CNTN5: variants seen among roughly 807,000 people sequenced by gnomAD.
CNTN5 encodes contactin 5.
In CNTN5, 77 loss-of-function variants were observed where a neutral mutation model predicts 129.1. The observed-to-expected ratio is 0.60, with a 90% CI of 0.50 to 0.72. The LOEUF is 0.72. Ranked by LOEUF, CNTN5 falls within the 30% of genes least tolerant of loss-of-function variation. The pLI, the probability that CNTN5 is intolerant of heterozygous loss-of-function variation, is 0.00. For missense variants in CNTN5, 1,478 were observed against 1,328.8 expected (o/e 1.11, Z -1.75); for synonymous variants, 509 against 465.6 (o/e 1.09, Z -1.20).
At chr11:99,161,400 T>A (rs532424328) in intron 1 of CNTN5, among the ~76,000 whole-genome samples, 29 of 152,216 alleles carry the variant, frequency 1.9e-4, no homozygotes, top group African/African-American at 4.6e-4. Flanking sequence ...ACTTTTTTTT[T>A]AATTCTAGGA....
At chr11:99,208,226 T>A (rs1255502871) in intron 1 of CNTN5, among the ~76,000 whole-genome samples, 1 of 152,158 alleles carries the variant, frequency 6.6e-6, no homozygotes. Flanking sequence ...CATTCTATAT[T>A]GGAAGGGAGT....
At chr11:100,138,729 T>C (rs1207495138) in intron 13 of CNTN5, among the ~76,000 whole-genome samples, 1 of 152,054 alleles carries the variant, frequency 6.6e-6, no homozygotes, top group African/African-American at 2.4e-5. Flanking sequence ...GCCTTTCAAG[T>C]GTTGAGGAGG....
intron 1 of CNTN5, among the ~76,000 whole-genome samples, chr11:99,104,546 T>C (rs1412406156): frequency 1.3e-5 from 2 of 151,950 alleles, no homozygotes; most frequent in Non-Finnish European, 2.9e-5. Flanking sequence ...ATGTTCTCAC[T>C]ACAAAAAAAA....
chr11:99,893,615 A>T (rs547794277), intron 6 of CNTN5, among the ~76,000 whole-genome samples: 4 of 152,102 alleles, frequency 2.6e-5, no homozygotes. Context: ...TGCAGGAAGG[A>T]TGTAGTGAGT....
chr11:99,778,852 T>C (rs1945215414), intron 3 of CNTN5, among the ~76,000 whole-genome samples: 1 of 139,572 alleles, frequency 7.2e-6, no homozygotes, highest in Admixed American at 7.1e-5. Flanking sequence ...ACAATTTTTC[T>C]CTATTTGTGT....
intron 2 of CNTN5, among the ~76,000 whole-genome samples, chr11:99,358,542 A>G (rs1938876721): frequency 6.6e-6 from 1 of 151,680 alleles, no homozygotes; most frequent in Non-Finnish European, 1.5e-5. Context: ...GCCTGGCGAC[A>G]GAGCAAGACT....
At chr11:99,656,701 A>G (rs1421765914) in intron 3 of CNTN5, among the ~76,000 whole-genome samples, 1 of 152,138 alleles carries the variant, frequency 6.6e-6, no homozygotes. Context: ...CACTAGAGAC[A>G]TGGAAGACTG....
chr11:100,243,251 G>A (rs1384243871), intron 16 of CNTN5, among the ~76,000 whole-genome samples: 2 of 152,228 alleles, frequency 1.3e-5, no homozygotes, highest in Admixed American at 1.3e-4. Context: ...GCTACAGGGA[G>A]TGTATAGCAA....
chr11:99,277,867 C>A (rs1863515748), intron 1 of CNTN5, among the ~76,000 whole-genome samples: 1 of 151,540 alleles, frequency 6.6e-6, no homozygotes, highest in South Asian at 2.1e-4. Context: ...ATTTGTAAAA[C>A]CAAGACAGGG....
In CNTN5 at chr11:99,774,874, T is replaced by A. The variant is rs542370954; in HGVS notation, c.56-44670T>A. On this transcript the variant is annotated intron_variant, in intron 3 of 24. Coordinates refer to ENST00000524871, the MANE Select transcript of CNTN5 (RefSeq NM_014361.4). ...ATTATAACAAAATATTAAAAAAAAA[T>A]TTTCTTTCAAAAAACCAGTAACCCA... Among the ~76,000 whole-genome samples the A allele has an allele frequency of 4.7e-4, 72 of 152,136 alleles. 1 individual carries two copies. Among genetic ancestry groups the A allele is most frequent in the South Asian group, 4.6e-3 (22 of 4,822 alleles).
chr11:100,031,170 T>C (rs908115731), intron 9 of CNTN5, among the ~76,000 whole-genome samples: 1 of 152,202 alleles, frequency 6.6e-6, no homozygotes, highest in Non-Finnish European at 1.5e-5. Context: ...ATAGAATTCA[T>C]AGGGTCAACC....
rs550902432 is a variant in CNTN5, at chr11:100,021,067, A to AT, written c.980+18938dup. ...CTATGATTTCTAATTTATTTTATGA[A>AT]TTTTTTTAAAATTTAGTTATTTATG... On this transcript the variant is annotated intron_variant, in intron 9 of 24. Transcript: ENST00000524871. Among the ~76,000 whole-genome samples the AT allele has an allele frequency of 6.1e-3, 924 of 152,174 alleles. 9 individuals are homozygous for AT. Among genetic ancestry groups the AT allele is most frequent in the African/African-American group, 0.021 (876 of 41,554 alleles).
chr11:99,357,790 G>A (rs138058677), intron 2 of CNTN5, among the ~76,000 whole-genome samples: 190 of 151,618 alleles, frequency 1.3e-3, no homozygotes, highest in Middle Eastern at 3.4e-3. Flanking sequence ...TTTCACTTCC[G>A]CTCCTGCCCC....
intron 1 of CNTN5, among the ~76,000 whole-genome samples, chr11:99,185,810 T>TA (rs1424900682): frequency 6.7e-6 from 1 of 149,882 alleles, no homozygotes; most frequent in Non-Finnish European, 1.5e-5. Context: ...CCCATCAAAA[T>TA]AACCCATCAA....
At chr11:99,868,950 A>G (rs1009371006) in intron 6 of CNTN5, among the ~76,000 whole-genome samples, 1 of 152,224 alleles carries the variant, frequency 6.6e-6, no homozygotes, top group Non-Finnish European at 1.5e-5. Context: ...AAATGCTGAC[A>G]GGCAATAGCA....
intron 7 of CNTN5, among the ~76,000 whole-genome samples, chr11:99,951,917 T>C (rs1191122443): frequency 6.6e-6 from 1 of 152,214 alleles, no homozygotes; most frequent in Non-Finnish European, 1.5e-5. Context: ...AGATTATAGA[T>C]ACATTTCTAT....
intron 6 of CNTN5, among the ~76,000 whole-genome samples, chr11:99,905,845 C>T (rs184756234): frequency 2.8e-3 from 424 of 152,098 alleles, no homozygotes; most frequent in South Asian, 5.6e-3. Context: ...TTCCTTGAAA[C>T]GGTCCTTCAC....
chr11:99,369,036 C>T (rs1216819281), intron 2 of CNTN5, among the ~76,000 whole-genome samples: 1 of 151,702 alleles, frequency 6.6e-6, no homozygotes, highest in Non-Finnish European at 1.5e-5. Context: ...GGAAGTTAGA[C>T]CCTTCCCTGC....
At chr11:100,272,093 G>T (rs993135548) in intron 18 of CNTN5, among the ~76,000 whole-genome samples, 1 of 152,144 alleles carries the variant, frequency 6.6e-6, no homozygotes. Context: ...TCAGGGATAG[G>T]TATAGGGAGG....
Sources: gnomAD v4.1 joint callset for allele counts (sites outside exome capture counted in the v4.1 genomes callset) on GRCh38, gnomAD v4.1.1 for gene constraint, MANE v1.5 for transcripts, NCBI Gene and HGNC (gene_info 2026-07-23, HGNC 2026-07-21) for gene names.